ENPP5: variants seen among roughly 807,000 people sequenced by gnomAD.
ENPP5 encodes ectonucleotide pyrophosphatase/phosphodiesterase family member 5, also known as E-NPP 5.
ENPP5 carries 27 observed loss-of-function variants against 33.7 expected under a neutral mutation model. The observed-to-expected ratio is 0.80, with a 90% CI of 0.59 to 1.11. The LOEUF (loss-of-function observed/expected upper bound fraction) is 1.11. Among genes scored for constraint, ENPP5 ranks in the 50% least tolerant of loss-of-function variants. The pLI, the probability that ENPP5 is intolerant of heterozygous loss-of-function variation, is 0.00. For synonymous variants in ENPP5, 199 were observed against 200.5 expected (o/e 0.99, Z 0.06); for missense variants, 552 against 579.2 (o/e 0.95, Z 0.48).
rs34741973 is a variant in ENPP5, at chr6:46,159,600, A to AT, written c.*1725_*1726insA. ...TCCAATTATTTGATTCTATTCTATT[A>AT]AGAGGTTTTATAATGAAATGGGAAT... On this transcript the variant is annotated 3_prime_UTR_variant, in exon 5 of 5. Transcript: ENST00000371383. The AT allele has an allele frequency of 8.9e-4, 45 of 50,410 alleles. No individual in the cohort carries two copies. Among genetic ancestry groups the AT allele is most frequent in the African/African-American group, 1.8e-3 (45 of 24,612 alleles). The allele number at this position is 50,410 out of a possible 1,614,324, so 3.1% of individuals were successfully genotyped here.
intron 3 of ENPP5, 30 bp from the exon 4 acceptor site, chr6:46,165,593 AC>A: frequency 6.8e-7 from 1 of 1,477,282 alleles, no homozygotes; most frequent in South Asian, 1.5e-5. Flanking sequence ...GGCACTCAGA[AC>A]AAAATACTCA....
chr6:46,163,646 A>G (rs1235339761), intron 4 of ENPP5, among the ~76,000 whole-genome samples: 3 of 151,958 alleles, frequency 2.0e-5, no homozygotes, highest in Admixed American at 2.0e-4. Flanking sequence ...TTACAGTCCC[A>G]CCAACAGTGT....
At chr6:46,165,703 T>G (rs1427160454) in intron 3 of ENPP5, 140 bp from the exon 4 acceptor site, 1 of 586,790 alleles carries the variant, frequency 1.7e-6, no homozygotes, top group African/African-American at 1.9e-5. Flanking sequence ...GGAAAACAAT[T>G]TTGGGAGGGG....
chr6:46,165,651 A>G (rs1354966274), intron 3 of ENPP5, 88 bp from the exon 4 acceptor site: 7 of 1,047,008 alleles, frequency 6.7e-6, no homozygotes, highest in Middle Eastern at 2.2e-4. Flanking sequence ...GAGGTGAAAA[A>G]CCAGAGAGCT....
chr6:46,160,200 G>A lies in ENPP5; in HGVS notation c.*1126C>T, dbSNP rs754883267. ...TTTCTAGTATGCACACTTTACCACTGTTCTGGGTGTCTTGTAAACATCTCA... is the reference window on the plus strand; with the variant it reads ...TTTCTAGTATGCACACTTTACCACTATTCTGGGTGTCTTGTAAACATCTCA... On this transcript the variant is annotated 3_prime_UTR_variant, in exon 5 of 5. Coordinates refer to ENST00000371383, the MANE Select transcript of ENPP5 (RefSeq NM_001290072.2). The A allele has an allele frequency of 7.9e-5, 12 of 152,088 alleles. No homozygotes were observed. The highest frequency in any genetic ancestry group is 1.5e-4 in the Non-Finnish European group (10 of 68,016). The allele number at this position is 152,088 out of a possible 1,614,324, so 9.4% of individuals were successfully genotyped here. A position where few individuals can be genotyped will look rare whatever the true frequency, so the allele number is the denominator to read the frequency against.
rs1764329456 is a variant in ENPP5, at chr6:46,159,782, C to G, written c.*1544G>C. 1 of 152,138 alleles carries G rather than the reference C, an allele frequency of 6.6e-6. No homozygotes were observed. Among genetic ancestry groups the G allele is most frequent in the Non-Finnish European group, 1.5e-5 (1 of 68,020 alleles). 9.4% of individuals were successfully genotyped at this position (152,138 alleles called of 1,614,324 possible). A position where few individuals can be genotyped will look rare whatever the true frequency, so the allele number is the denominator to read the frequency against. Reference sequence around the variant, plus strand: ...TTTCTGGAATAGTAATACAATTTTACCTACTCATTAGCCAATTGGTACATA... The same window carrying G: ...TTTCTGGAATAGTAATACAATTTTAGCTACTCATTAGCCAATTGGTACATA... On this transcript the variant is annotated 3_prime_UTR_variant, in exon 5 of 5. Coordinates refer to ENST00000371383, the MANE Select transcript of ENPP5 (RefSeq NM_001290072.2).
intron 1 of ENPP5, among the ~76,000 whole-genome samples, chr6:46,170,390 ATT>A (rs35802161): frequency 1.4e-5 from 2 of 146,866 alleles, no homozygotes; most frequent in Non-Finnish European, 3.0e-5. Flanking sequence ...AACAATCAGA[ATT>A]TTTTTTTTTT....
rs1764620152 is a variant in ENPP5 at position 46,168,315 on chromosome 6, A to G, written c.-35-18T>C. 1 of 1,193,576 alleles carries G rather than the reference A, an allele frequency of 8.4e-7. No individual in the cohort carries two copies. The allele number at this position is 1,193,576 out of a possible 1,614,324, so 73.9% of individuals were successfully genotyped here. A position where few individuals can be genotyped will look rare whatever the true frequency, so the allele number is the denominator to read the frequency against. ...AAGATAATCTGTAGAATAAACATAT[A>G]GAAATTAAAGGCAATAATTTTGTTT... On this transcript the variant is annotated intron_variant, in intron 2 of 4. Coordinates refer to ENST00000371383, the MANE Select transcript of ENPP5 (RefSeq NM_001290072.2).
intron 4 of ENPP5, among the ~76,000 whole-genome samples, chr6:46,164,242 A>G (rs1188319862): frequency 7.2e-5 from 11 of 152,170 alleles, no homozygotes; most frequent in Non-Finnish European, 1.5e-5. Flanking sequence ...ACGCAAACAA[A>G]TTTACAAGAA....
At chr6:46,165,231 G>A (rs1260304186) in intron 4 of ENPP5, 156 bp downstream of exon 4, 4 of 549,206 alleles carry the variant, frequency 7.3e-6, no homozygotes, top group African/African-American at 1.9e-5. Flanking sequence ...TCTAAAAAAA[G>A]CATTTTTAGA....
chr6:46,170,910 T>C lies in ENPP5; in HGVS notation c.-200A>G, dbSNP rs1764719239. 2.6e-5 allele frequency: 4 copies of C among 152,228 alleles called. No homozygotes were observed. Among genetic ancestry groups the C allele is most frequent in the Admixed American group, 2.6e-4 (4 of 15,268 alleles). The allele number at this position is 152,228 out of a possible 1,614,324, so 9.4% of individuals were successfully genotyped here. On this transcript the variant is annotated 5_prime_UTR_variant, in exon 1 of 5. Transcript: ENST00000371383. ...CCGCGGGTAACGGCGGGAGGGTGAC[T>C]GGAGGAACGCCCCCGGAACGCGCAG...
chr6:46,163,298 G>T lies in ENPP5; in HGVS notation c.1007-1545C>A, dbSNP rs112844640. Among the ~76,000 whole-genome samples the T allele has an allele frequency of 5.2e-3, 779 of 150,568 alleles. 8 individuals carry two copies. Among genetic ancestry groups the T allele is most frequent in the African/African-American group, 0.017 (711 of 40,936 alleles). On this transcript the variant is annotated intron_variant, in intron 4 of 4. Transcript: ENST00000371383. ...AGTTACATATATATACATGTGCCAT[G>T]CTGGTGCGCTGCACCCACTAACTCG...
chr6:46,164,233 C>T (rs958827460), intron 4 of ENPP5, among the ~76,000 whole-genome samples: 5 of 152,228 alleles, frequency 3.3e-5, no homozygotes, highest in South Asian at 2.1e-4. Context: ...CTACAATGAA[C>T]GCAAACAAAT....
intron 3 of ENPP5, among the ~76,000 whole-genome samples, 197 bp downstream of exon 3, chr6:46,167,237 A>G (rs903805998): frequency 1.3e-5 from 2 of 152,190 alleles, no homozygotes; most frequent in African/African-American, 4.8e-5. Context: ...TCAGTATTCT[A>G]GGAAAAAGGA....
chr6:46,162,863 G>A (rs954804182), intron 4 of ENPP5, among the ~76,000 whole-genome samples: 2 of 152,162 alleles, frequency 1.3e-5, no homozygotes, highest in Middle Eastern at 3.4e-3. Flanking sequence ...ATTGATAGTC[G>A]CACTGGGAAT....
Position 46,161,173 on chromosome 6 carries a change from A to AAG in ENPP5, c.*152_*153insCT, listed in dbSNP as rs1764379088. On this transcript the variant is annotated 3_prime_UTR_variant, in exon 5 of 5. Transcript: ENST00000371383. ...TAAGTATTTTGGTCCGTGTGTGTGT[A>AAG]TGTGTGTGTGTGTGTGTGTGTATAC... 3.5e-6 allele frequency: 2 copies of AAG among 569,778 alleles called. No homozygotes were observed. The highest frequency in any genetic ancestry group is 6.2e-5 in the Admixed American group (2 of 32,354). 35.3% of individuals were successfully genotyped at this position (569,778 alleles called of 1,614,324 possible).
rs35054026 is a variant in ENPP5 at position 46,161,173 on chromosome 6, ATG to A, written c.*151_*152del. ...TAAGTATTTTGGTCCGTGTGTGTGT[ATG>A]TGTGTGTGTGTGTGTGTGTATACCT... On this transcript the variant is annotated 3_prime_UTR_variant, in exon 5 of 5. Transcript: ENST00000371383. 18,644 of 505,000 alleles carry A rather than the reference ATG, an allele frequency of 0.037. No individual in the cohort carries two copies. The highest frequency in any genetic ancestry group is 0.073 in the East Asian group (1,931 of 26,482). The allele number at this position is 505,000 out of a possible 1,614,324, so 31.3% of individuals were successfully genotyped here.
At position 46,168,216 on chromosome 6, in the gene ENPP5, C is replaced by G. The variant is rs1303660256; in HGVS notation, c.47G>C (p.Ser16Thr). 6.2e-7 allele frequency: 1 copy of G among 1,609,310 alleles called. No homozygotes were observed. The highest frequency in any genetic ancestry group is 2.2e-5 in the East Asian group (1 of 44,756). ...TTGGAGAGAAAAGGTGGTTGAAAGACTCAGTGCAGCAAGTATGAAGGACAC... is the reference window on the plus strand; with the variant it reads ...TTGGAGAGAAAAGGTGGTTGAAAGAGTCAGTGCAGCAAGTATGAAGGACAC... Reference protein sequence around the residue: ...LLVSFILAALSLSTTFSLQPD... With the variant: ...LLVSFILAALTLSTTFSLQPD... Residue 16 changes from serine to threonine, a missense_variant, in exon 3 of 5, where the codon AGT becomes ACT. Transcript: ENST00000371383.
At chr6:46,170,557 A>G (rs913466408) in intron 1 of ENPP5, among the ~76,000 whole-genome samples, 1 of 152,078 alleles carries the variant, frequency 6.6e-6, no homozygotes, top group African/African-American at 2.4e-5. Flanking sequence ...GAAGAGGGAA[A>G]GTGCAGAAGG....
Sources: allele counts gnomAD v4.1 joint callset (sites outside exome capture counted in the v4.1 genomes callset), GRCh38; gene constraint gnomAD v4.1.1; transcripts MANE v1.5; gene names NCBI Gene and HGNC (gene_info 2026-07-23, HGNC 2026-07-21).